Variants in SLC5A9 observed in about 807,000 individuals in gnomAD.
SLC5A9 encodes the protein solute carrier family 5 member 9.
A neutral mutation model predicts 70.9 loss-of-function variants in SLC5A9; 59 were observed. The ratio of observed to expected loss-of-function variants is 0.83; its 90% CI spans 0.68 to 1.03. The LOEUF (loss-of-function observed/expected upper bound fraction) is 1.03. Among genes scored for constraint, SLC5A9 ranks in the 50% least tolerant of loss-of-function variants. SLC5A9 has a pLI of 0.00. For synonymous variants in SLC5A9, 340 were observed against 346.5 expected, an observed-to-expected ratio of 0.98 and a Z score of 0.21; for missense variants, 832 against 881.1, an observed-to-expected ratio of 0.94 and a Z score of 0.71.
chr1:48,243,805 T>G (rs1161546110), intron 13 of SLC5A9, among the ~76,000 whole-genome samples: 2 of 152,148 alleles, frequency 1.3e-5, no homozygotes, highest in Non-Finnish European at 2.9e-5. Context: ...GTTTGCAAAT[T>G]AAAGTCCAAA....
chr1:48,223,518 T>C (rs1456669213), intron 1 of SLC5A9, among the ~76,000 whole-genome samples: 1 of 152,090 alleles, frequency 6.6e-6, no homozygotes, highest in Admixed American at 6.5e-5. Context: ...ACAATGAGAA[T>C]AAGGACTATG....
At position 48,232,643 on chromosome 1, in the gene SLC5A9, T is replaced by A. The variant is rs115154824; in HGVS notation, c.1033+141T>A. 5.3e-6 allele frequency: 6 copies of A among 1,121,762 alleles called. No individual in the cohort carries two copies. In the African/African-American group the frequency reaches 6.2e-5, roughly 12 times the overall value. 69.5% of individuals were successfully genotyped at this position (1,121,762 alleles called of 1,614,324 possible). On this transcript the variant is annotated intron_variant, in intron 8 of 13. Coordinates refer to ENST00000438567, the MANE Select transcript of SLC5A9 (RefSeq NM_001011547.3). ...TCTATTAAGAATACATAGCCGGTCA[T>A]GGTGGCATGCACCCATAGACCCAGC...
chr1:48,247,191 C>T (rs1212479906), intron 13 of SLC5A9, 144 bp from the exon 14 acceptor site: 6 of 726,096 alleles, frequency 8.3e-6, no homozygotes, highest in Admixed American at 4.9e-5. Context: ...CTTCACCCCT[C>T]CCCAGTTTCT....
In SLC5A9 at chr1:48,225,108, T is replaced by C. The variant is rs143963848; in HGVS notation, c.234+313T>C. On this transcript the variant is annotated intron_variant, in intron 2 of 13. Coordinates refer to ENST00000438567, the MANE Select transcript of SLC5A9 (RefSeq NM_001011547.3). ...CTCAGAGCTGAGTGGGGCAGATAGATTCATAAACATCATGCGCACTGCTGA... is the reference window on the plus strand; with the variant it reads ...CTCAGAGCTGAGTGGGGCAGATAGACTCATAAACATCATGCGCACTGCTGA... Among the ~76,000 whole-genome samples the C allele has an allele frequency of 2.2e-4, 34 of 152,100 alleles. No individual in the cohort carries two copies. The East Asian group carries it at 6.4e-3, about 29-fold the overall frequency.
intron 2 of SLC5A9, among the ~76,000 whole-genome samples, chr1:48,225,917 C>T (rs1012487520): frequency 6.6e-6 from 1 of 152,164 alleles, no homozygotes; most frequent in East Asian, 1.9e-4. Context: ...GCCATCTTCA[C>T]GCCTCTCCCC....
intron 3 of SLC5A9, 162 bp from the exon 4 acceptor site, chr1:48,229,133 G>C (rs765577154): frequency 6.2e-7 from 1 of 1,613,960 alleles, no homozygotes; most frequent in South Asian, 1.1e-5. Flanking sequence ...AGGAGACAGA[G>C]GGATCCATCC....
At chr1:48,233,795 C>T (rs1247894275) in intron 9 of SLC5A9, 33 bp downstream of exon 9, 1 of 1,486,200 alleles carries the variant, frequency 6.7e-7, no homozygotes, top group South Asian at 1.2e-5. Context: ...ACCCTGCACT[C>T]TCACCTCCAG....
chr1:48,237,600 G>T, intron 10 of SLC5A9, 79 bp from the exon 11 acceptor site: 1 of 1,405,218 alleles, frequency 7.1e-7, no homozygotes. Context: ...TCCCTTCCTG[G>T]TTCCTGTGCA....
At chr1:48,227,069 G>A (rs1219507321) in intron 2 of SLC5A9, among the ~76,000 whole-genome samples, 8 of 151,990 alleles carry the variant, frequency 5.3e-5, no homozygotes, top group African/African-American at 1.7e-4. Context: ...GTATGTGCAC[G>A]TGTGTGCATA....
chr1:48,223,719 C>A (rs1022964865), intron 1 of SLC5A9, among the ~76,000 whole-genome samples: 1 of 152,132 alleles, frequency 6.6e-6, no homozygotes, highest in African/African-American at 2.4e-5. Context: ...CCTCTCTGAG[C>A]CTCAGTTTCC....
chr1:48,242,738 TC>T, intron 13 of SLC5A9, 122 bp downstream of exon 13: 1 of 945,818 alleles, frequency 1.1e-6, no homozygotes, highest in Non-Finnish European at 1.5e-6. Context: ...CTAACTCCTT[TC>T]CCACGTGGCT....
At chr1:48,236,015 C>A (rs1166289665) in intron 10 of SLC5A9, 136 bp downstream of exon 10, 16 of 979,380 alleles carry the variant, frequency 1.6e-5, no homozygotes, top group Non-Finnish European at 2.3e-5. Flanking sequence ...CAGCTCTCCA[C>A]ATGATTTCAA....
At position 48,228,946 on chromosome 1, in the gene SLC5A9, G is replaced by T. The variant is rs201648239; in HGVS notation, c.331G>T (p.Glu111Ter). 6.8e-6 allele frequency: 11 copies of T among 1,613,210 alleles called. No individual in the cohort carries two copies. The highest frequency in any genetic ancestry group is 9.3e-6 in the Non-Finnish European group (11 of 1,180,022). Residue 111 changes from glutamate to a stop codon, truncating the protein, a stop_gained, in exon 3 of 14, where the codon GAG becomes TAG. Transcript: ENST00000438567. LOFTEE classifies it high-confidence loss of function. The stretch of plus-strand genomic sequence containing the variant: ...CGGAGGCCTTGCCGTAGGTGGCTTC[G>T]AGTGGAACGTAAGGAAGCTGGCCTG... ...AAGGLAVGGF[E>*]WNATWLLLAL...
At chr1:48,244,878 GTATATA>G (rs756117312) in intron 13 of SLC5A9, among the ~76,000 whole-genome samples, 2,153 of 29,394 alleles carry the variant, frequency 0.073, 512 homozygotes, top group East Asian at 0.14. Flanking sequence ...ATGTGTATGT[GTATATA>G]TATATATATA....
In SLC5A9 at chr1:48,232,521, C is replaced by G; in HGVS notation, c.1033+19C>G. The G allele has an allele frequency of 6.2e-7, 1 of 1,613,628 alleles. No homozygotes were observed. Among genetic ancestry groups the G allele is most frequent in the African/African-American group, 1.3e-5 (1 of 75,030 alleles). ...TTCCCAGGTAAGAACGAGCCTTGCT[C>G]TCTGGGTATTGGGATCTGAGGCTTT... is the stretch of plus-strand genomic sequence containing the variant. On this transcript the variant is annotated intron_variant, in intron 8 of 13. Coordinates refer to ENST00000438567, the MANE Select transcript of SLC5A9 (RefSeq NM_001011547.3).
intron 6 of SLC5A9, 131 bp from the exon 7 acceptor site, chr1:48,231,815 C>T: frequency 6.6e-7 from 1 of 1,526,320 alleles, no homozygotes; most frequent in Non-Finnish European, 8.8e-7. Flanking sequence ...AGCCCAAGCC[C>T]CATCTTCCTC....
At chr1:48,229,718 T>C (rs1011970189) in intron 4 of SLC5A9, among the ~76,000 whole-genome samples, 3 of 152,228 alleles carry the variant, frequency 2.0e-5, no homozygotes, top group African/African-American at 7.2e-5. Context: ...TATTTTTTCA[T>C]TAATGGATTC....
In SLC5A9 at chr1:48,239,292, A is replaced by T; in HGVS notation, c.1462-30A>T. 6.5e-7 allele frequency: 1 copy of T among 1,536,302 alleles called. No individual in the cohort carries two copies. On this transcript the variant is annotated intron_variant, in intron 11 of 13. Transcript: ENST00000438567. This position sits in a 1 kb window ranked among gnomAD's most constrained non-coding sequence, Gnocchi z 4.2. The stretch of plus-strand genomic sequence containing the variant: ...TCCTAGGGTCTCCCACCTGGATCTC[A>T]CCTCAGCTCTTGTCTGCCCTCTCTC...
At chr1:48,234,846 G>A (rs973260688) in intron 9 of SLC5A9, among the ~76,000 whole-genome samples, 4 of 152,132 alleles carry the variant, frequency 2.6e-5, no homozygotes, top group African/African-American at 9.7e-5. Flanking sequence ...AGGGTCTCAG[G>A]TAGCCCTAAG....
Sources: gnomAD v4.1 joint callset for allele counts (sites outside exome capture counted in the v4.1 genomes callset) on GRCh38, gnomAD v4.1.1 for gene constraint, Gnocchi (gnomAD v3.1) non-coding constraint, MANE v1.5 for transcripts, NCBI Gene and HGNC (gene_info 2026-07-23, HGNC 2026-07-21) for gene names.